The following EPM2A variants were observed in gnomAD, a reference collection of about 807,000 sequenced individuals.
The protein encoded by EPM2A is EPM2A glucan phosphatase, laforin, also known as laforin.
A neutral mutation model predicts 26.5 loss-of-function variants in EPM2A; 21 were observed. The ratio of observed to expected loss-of-function variants is 0.79; its 90% CI spans 0.56 to 1.14. EPM2A has a LOEUF of 1.14. Ranked by LOEUF, EPM2A falls within the 50% of genes most tolerant of loss-of-function variation. EPM2A has a pLI of 0.00. For synonymous variants in EPM2A, 217 were observed against 177.6 expected (o/e 1.22, Z -1.76); for missense variants, 458 against 440.8 (o/e 1.04, Z -0.35).
chr6:145,588,988 C>A (rs552885848), intron 2 of EPM2A, among the ~76,000 whole-genome samples: 1 of 152,206 alleles, frequency 6.6e-6, no homozygotes, highest in East Asian at 1.9e-4. Flanking sequence ...AAGCTACTAC[C>A]CCCAGGCTGA....
chr6:145,592,051 T>C (rs1276377063), intron 2 of EPM2A, among the ~76,000 whole-genome samples: 1 of 152,082 alleles, frequency 6.6e-6, no homozygotes, highest in Non-Finnish European at 1.5e-5. Flanking sequence ...AGGGTACATG[T>C]GCACAAAGTG....
At chr6:145,395,595 A>G (rs1269469063) in intron 4 of EPM2A, among the ~76,000 whole-genome samples, 1 of 152,132 alleles carries the variant, frequency 6.6e-6, no homozygotes, top group South Asian at 2.1e-4. Context: ...CACACTCAGC[A>G]TCTTTCAACT....
At chr6:145,571,365 C>A (rs1780953290) in intron 2 of EPM2A, among the ~76,000 whole-genome samples, 1 of 152,186 alleles carries the variant, frequency 6.6e-6, no homozygotes, top group Admixed American at 6.5e-5. Flanking sequence ...CCAGTGAATT[C>A]CATGAGCATA....
intron 4 of EPM2A, among the ~76,000 whole-genome samples, chr6:145,389,849 C>T (rs1778314271): frequency 6.6e-6 from 1 of 152,182 alleles, no homozygotes; most frequent in African/African-American, 2.4e-5. Flanking sequence ...GGCCAATTTA[C>T]AATTTTTCTT....
At chr6:145,464,312 G>C (rs775369781) in intron 4 of EPM2A, among the ~76,000 whole-genome samples, 1 of 152,116 alleles carries the variant, frequency 6.6e-6, no homozygotes, top group East Asian at 1.9e-4. Context: ...CAGCCATGCA[G>C]AGCTGTAAGT....
At chr6:145,696,840 G>A (rs1781617553) in intron 1 of EPM2A, among the ~76,000 whole-genome samples, 1 of 146,460 alleles carries the variant, frequency 6.8e-6, no homozygotes, top group African/African-American at 2.5e-5. Flanking sequence ...GTGTTTCAAG[G>A]TAGAAAACTG....
At chr6:145,658,474 GC>G (rs984136484) in intron 2 of EPM2A, among the ~76,000 whole-genome samples, 9 of 152,284 alleles carry the variant, frequency 5.9e-5, no homozygotes, top group African/African-American at 2.2e-4. Flanking sequence ...TTGTTAAAAA[GC>G]AGAAATCCCA....
intron 2 of EPM2A, among the ~76,000 whole-genome samples, chr6:145,547,546 C>T (rs1252951631): frequency 6.6e-6 from 1 of 152,092 alleles, no homozygotes; most frequent in Non-Finnish European, 1.5e-5. Context: ...AGAAAAACAA[C>T]AAAATATAGA....
chr6:145,533,447 A>G (rs1438763004), intron 2 of EPM2A, among the ~76,000 whole-genome samples: 1 of 152,128 alleles, frequency 6.6e-6, no homozygotes, highest in East Asian at 1.9e-4. Context: ...AAGCCCTCCA[A>G]TGCCTTTTCA....
At chr6:145,389,149 C>A (rs1013808161) in intron 4 of EPM2A, among the ~76,000 whole-genome samples, 2 of 151,902 alleles carry the variant, frequency 1.3e-5, no homozygotes, top group African/African-American at 4.8e-5. Flanking sequence ...TTTAAAAATG[C>A]AACCCCCTCT....
chr6:145,670,162 A>G (rs1779540889), intron 2 of EPM2A, among the ~76,000 whole-genome samples: 1 of 152,188 alleles, frequency 6.6e-6, no homozygotes, highest in Non-Finnish European at 1.5e-5. Flanking sequence ...GTTTATTAAC[A>G]TGAAAATATT....
intron 2 of EPM2A, among the ~76,000 whole-genome samples, chr6:145,657,932 A>T (rs1436916851): frequency 1.3e-5 from 2 of 152,206 alleles, no homozygotes; most frequent in Admixed American, 1.3e-4. Context: ...AAGTGATAGT[A>T]CCAACCTCCC....
intron 1 of EPM2A, chr6:145,734,485 T>A (rs750907099): frequency 6.6e-6 from 1 of 152,214 alleles, no homozygotes; most frequent in Non-Finnish European, 1.5e-5. Flanking sequence ...CAGCATGTAT[T>A]GTTTTAGTAT....
At position 145,610,138 on chromosome 6, in the gene EPM2A, C is replaced by T. The variant is rs539836901; in HGVS notation, c.340+25107G>A. Among the ~76,000 whole-genome samples, 9 of 151,318 alleles carry T rather than the reference C, an allele frequency of 5.9e-5. No homozygotes were observed. The South Asian group carries it at 1.3e-3, about 21-fold the overall frequency. On this transcript the variant is annotated intron_variant, in intron 2 of 3. Transcript: ENST00000450221. The stretch of plus-strand genomic sequence containing the variant: ...GCTGAGGCAGAGAACTGCTTAAACC[C>T]GGGAGGAGGAGGTTGCAGTGAGCCA...
At chr6:145,519,278 T>C (rs1780172420) in intron 2 of EPM2A, among the ~76,000 whole-genome samples, 1 of 152,174 alleles carries the variant, frequency 6.6e-6, no homozygotes, top group South Asian at 2.1e-4. Context: ...GGGAGAAACC[T>C]TCTCTATTTG....
At chr6:145,574,887 A>C (rs1294648915) in intron 2 of EPM2A, among the ~76,000 whole-genome samples, 1 of 152,172 alleles carries the variant, frequency 6.6e-6, no homozygotes, top group African/African-American at 2.4e-5. Context: ...CCACACCCTT[A>C]ATATCTATTC....
intron 4 of EPM2A, among the ~76,000 whole-genome samples, chr6:145,416,046 C>T (rs1778703707): frequency 6.6e-6 from 1 of 152,176 alleles, no homozygotes; most frequent in Non-Finnish European, 1.5e-5. Flanking sequence ...TCACCACCGA[C>T]TCCCAGCTGC....
chr6:145,413,341 GT>G (rs1253538679), intron 4 of EPM2A, among the ~76,000 whole-genome samples: 1 of 152,126 alleles, frequency 6.6e-6, no homozygotes, highest in African/African-American at 2.4e-5. Context: ...GCCATTAAAG[GT>G]TTATGACAAC....
chr6:145,464,613 T>G (rs1262671093), intron 4 of EPM2A, among the ~76,000 whole-genome samples: 1 of 152,170 alleles, frequency 6.6e-6, no homozygotes, highest in Non-Finnish European at 1.5e-5. Context: ...ATTGTATAAT[T>G]TTTTATTTCA....
Sources: allele counts gnomAD v4.1 joint callset (sites outside exome capture counted in the v4.1 genomes callset), GRCh38; gene constraint gnomAD v4.1.1; transcripts MANE v1.5; gene names NCBI Gene and HGNC (gene_info 2026-07-23, HGNC 2026-07-21).